EFTUD2: variants seen among roughly 807,000 people sequenced by gnomAD.
EFTUD2 encodes 116 kDa U5 small nuclear ribonucleoprotein component.
A neutral mutation model predicts 114.3 loss-of-function variants in EFTUD2; 9 were observed. The ratio of observed to expected loss-of-function variants is 0.08; its 90% CI spans 0.05 to 0.14. The LOEUF (loss-of-function observed/expected upper bound fraction) is 0.14. Ranked by LOEUF, EFTUD2 falls within the 10% of genes least tolerant of loss-of-function variation. The pLI is 1.00. For missense variants in EFTUD2, 765 were observed against 1,241.2 expected (o/e 0.62, Z 5.76); for synonymous variants, 449 against 462.3 (o/e 0.97, Z 0.37).
intron 11 of EFTUD2, among the ~76,000 whole-genome samples, chr17:44,872,028 C>A (rs1262281767): frequency 6.6e-6 from 1 of 152,156 alleles, no homozygotes; most frequent in Non-Finnish European, 1.5e-5. Context: ...ATGCTGGCTG[C>A]AAGGTCACCA....
rs570297875 is a variant in EFTUD2, at chr17:44,881,912, G to A, written c.493-190C>T. The A allele has an allele frequency of 5.7e-5, 33 of 582,406 alleles. No individual in the cohort carries two copies. In the South Asian group the frequency reaches 6.0e-4, roughly 11 times the overall value. 36.1% of individuals were successfully genotyped at this position (582,406 alleles called of 1,614,324 possible). ...TGCCCTCCCAGCTGGAAATGCTCCT[G>A]GGTGTGTGGAGGGATTTTTTTATTT... is the stretch of plus-strand genomic sequence containing the variant. On this transcript the variant is annotated intron_variant, in intron 6 of 27. Coordinates refer to ENST00000426333, the MANE Select transcript of EFTUD2 (RefSeq NM_004247.4).
Position 44,850,079 on chromosome 17 carries a change from A to C in EFTUD2, c.*1195T>G. On this transcript the variant is annotated 3_prime_UTR_variant, in exon 28 of 28. Coordinates refer to ENST00000426333, the MANE Select transcript of EFTUD2 (RefSeq NM_004247.4). ...GACAATAACCACCCCTGGCCTGCCT[A>C]CCTTGCAGGCTGCTGTGAGGTTTCT... 2.5e-6 allele frequency: 1 copy of C among 405,110 alleles called. No individual in the cohort carries two copies. Among genetic ancestry groups the C allele is most frequent in the Non-Finnish European group, 4.6e-6 (1 of 219,206 alleles). 25.1% of individuals were successfully genotyped at this position (405,110 alleles called of 1,614,324 possible). A position where few individuals can be genotyped will look rare whatever the true frequency, so the allele number is the denominator to read the frequency against.
chr17:44,857,177 T>C lies in EFTUD2; in HGVS notation c.1963-20A>G, dbSNP rs1180629405. The C allele has an allele frequency of 6.2e-7, 1 of 1,610,988 alleles. No individual in the cohort carries two copies. Among genetic ancestry groups the C allele is most frequent in the Non-Finnish European group, 8.5e-7 (1 of 1,177,494 alleles). On this transcript the variant is annotated intron_variant, in intron 19 of 27. Transcript: ENST00000426333. Reference sequence around the variant, plus strand: ...AGCCACCTGGGAAACAGAAAATAAATTACTGAAGCGAGGTCTAATTTTGTT... The same window carrying C: ...AGCCACCTGGGAAACAGAAAATAAACTACTGAAGCGAGGTCTAATTTTGTT...
At chr17:44,874,884 C>T (rs2050918765) in intron 10 of EFTUD2, among the ~76,000 whole-genome samples, 1 of 152,200 alleles carries the variant, frequency 6.6e-6, no homozygotes. Context: ...GTGCTGTGTT[C>T]CATCAAATAT....
At chr17:44,879,759 G>T in intron 8 of EFTUD2, 121 bp from the exon 9 acceptor site, 1 of 917,110 alleles carries the variant, frequency 1.1e-6, no homozygotes, top group South Asian at 1.5e-5. Flanking sequence ...TTTCCTCCTC[G>T]CCATAACCCC....
Position 44,854,600 on chromosome 17 carries a change from C to T in EFTUD2, c.2215G>A (p.Ala739Thr). 6.2e-7 allele frequency: 1 copy of T among 1,614,216 alleles called. No individual in the cohort carries two copies. The highest frequency in any genetic ancestry group is 2.2e-5 in the East Asian group (1 of 44,886). Residue 739 changes from alanine to threonine, a missense_variant, in exon 22 of 28, where the codon GCG (alanine) becomes ACG (threonine). This residue lies in a region of EFTUD2 where 166 missense variants were observed against 401.5 expected (regional missense o/e 0.41). Transcript: ENST00000426333. The surrounding 1 kb of genome is among the most constrained non-coding windows in gnomAD (Gnocchi z 4.3). Reference sequence around the variant, plus strand: ...TCCACCAGAATGTTGGGGCCAGTCGCATCAGGGCCAAAAGCCCAGATGGAA... The same window carrying T: ...TCCACCAGAATGTTGGGGCCAGTCGTATCAGGGCCAAAAGCCCAGATGGAA... ...ARSIWAFGPD[A>T]TGPNILVDDT...
At position 44,876,111 on chromosome 17, in the gene EFTUD2, C is replaced by T; in HGVS notation, c.703-11G>A. The T allele has an allele frequency of 6.2e-7, 1 of 1,607,176 alleles. No individual in the cohort carries two copies. The highest frequency in any genetic ancestry group is 8.5e-7 in the Non-Finnish European group (1 of 1,175,336). ...TGTGTTCAGCATCACCTGAGAAAAA[C>T]AAGGCTCAGAAGGTGGTAAGAAGAA... On this transcript the variant is annotated splice_polypyrimidine_tract_variant and intron_variant, in intron 9 of 27. Transcript: ENST00000426333.
At position 44,895,307 on chromosome 17, in the gene EFTUD2, C is replaced by T. The variant is rs570524968; in HGVS notation, c.-4-782G>A. On this transcript the variant is annotated intron_variant, in intron 1 of 27. Coordinates refer to ENST00000426333, the MANE Select transcript of EFTUD2 (RefSeq NM_004247.4). ...GGTCAGGAGTTCGAGACCAGCCTGG[C>T]CAACATGGCAAAACGCTGTCTCTAC... is the stretch of plus-strand genomic sequence containing the variant. Among the ~76,000 whole-genome samples the T allele has an allele frequency of 1.4e-4, 22 of 152,312 alleles. No homozygotes were observed. The South Asian group carries it at 3.7e-3, about 26-fold the overall frequency.
At chr17:44,874,710 C>T (rs954353425) in intron 10 of EFTUD2, among the ~76,000 whole-genome samples, 8 of 152,176 alleles carry the variant, frequency 5.3e-5, no homozygotes, top group African/African-American at 1.7e-4. Flanking sequence ...GGTATCATAA[C>T]CATCACTCAT....
At chr17:44,884,631 G>T (rs537904831) in intron 4 of EFTUD2, among the ~76,000 whole-genome samples, 1 of 152,078 alleles carries the variant, frequency 6.6e-6, no homozygotes, top group Non-Finnish European at 1.5e-5. Flanking sequence ...GGTAGCTCAC[G>T]CCTGTAATCT....
At chr17:44,895,233 T>C (rs1186756861) in intron 1 of EFTUD2, among the ~76,000 whole-genome samples, 1 of 152,272 alleles carries the variant, frequency 6.6e-6, no homozygotes, top group African/African-American at 2.4e-5. Context: ...CGGTGGCGCA[T>C]GCCTGTAATA....
chr17:44,872,352 G>A, intron 11 of EFTUD2, 94 bp downstream of exon 11: 3 of 1,524,306 alleles, frequency 2.0e-6, no homozygotes, highest in Non-Finnish European at 2.7e-6. Context: ...CCCCAGCAGG[G>A]TGCTGATACG....
At chr17:44,852,271 A>AATAT (rs1411276821) in intron 26 of EFTUD2, 138 bp downstream of exon 26, 1 of 1,081,434 alleles carries the variant, frequency 9.2e-7, no homozygotes, top group Admixed American at 2.9e-5. Context: ...AGTTGCCCTG[A>AATAT]ATATATGCTC....
chr17:44,885,388 A>G (rs1334672430), intron 3 of EFTUD2, 54 bp from the exon 4 acceptor site: 2 of 1,187,378 alleles, frequency 1.7e-6, no homozygotes, highest in African/African-American at 3.0e-5. Flanking sequence ...ACATAAAAAT[A>G]CGGAACACTA....
At chr17:44,892,631 CTTTTTTTTTTTT>C (rs967860195) in intron 2 of EFTUD2, among the ~76,000 whole-genome samples, 2 of 101,376 alleles carry the variant, frequency 2.0e-5, no homozygotes, top group Non-Finnish European at 3.7e-5. Flanking sequence ...ACTGTAAAAC[CTTTTTTTTTTTT>C]TTTTTTTTTT....
intron 2 of EFTUD2, chr17:44,894,144 G>C (rs2051333948): frequency 6.0e-6 from 2 of 332,138 alleles, no homozygotes; most frequent in African/African-American, 2.1e-5. Context: ...GGGAGGCCAA[G>C]GCAGGTGGAC....
chr17:44,890,416 G>T (rs1456752883), intron 2 of EFTUD2, among the ~76,000 whole-genome samples: 1 of 151,736 alleles, frequency 6.6e-6, no homozygotes, highest in Non-Finnish European at 1.5e-5. Context: ...AATCTGTCCA[G>T]GTGCGGTGGC....
chr17:44,863,458 A>C, intron 15 of EFTUD2, 197 bp downstream of exon 15: 1 of 630,930 alleles, frequency 1.6e-6, no homozygotes, highest in East Asian at 3.1e-5. Flanking sequence ...CTTGAGGCTC[A>C]GGAAATGTGA....
At chr17:44,864,393 T>C (rs970757182) in intron 14 of EFTUD2, among the ~76,000 whole-genome samples, 1 of 152,170 alleles carries the variant, frequency 6.6e-6, no homozygotes, top group Non-Finnish European at 1.5e-5. Context: ...CCCTCAGCCA[T>C]CACCCTTTCC....
Sources: allele counts gnomAD v4.1 joint callset (sites outside exome capture counted in the v4.1 genomes callset), GRCh38; gene constraint gnomAD v4.1.1; regional missense constraint gnomAD v4.1.1; non-coding constraint Gnocchi (gnomAD v3.1); transcripts MANE v1.5; gene names NCBI Gene and HGNC (gene_info 2026-07-23, HGNC 2026-07-21).